Variants in MGAT4C observed in about 807,000 individuals in gnomAD.
MGAT4C encodes alpha-1,3-mannosyl-glycoprotein 4-beta-N-acetylglucosaminyltransferase C.
MGAT4C carries 19 observed loss-of-function variants against 40.1 expected under a neutral mutation model. The ratio of observed to expected loss-of-function variants is 0.47; its 90% confidence interval spans 0.33 to 0.70. The LOEUF is 0.70. MGAT4C is among the 30% of genes least tolerant of loss of function. The pLI is 0.02. For synonymous variants in MGAT4C, 181 were observed against 187.1 expected, an observed-to-expected ratio of 0.97 and a Z score of 0.27; for missense variants, 491 against 563.2, an observed-to-expected ratio of 0.87 and a Z score of 1.30.
intron 1 of MGAT4C, among the ~76,000 whole-genome samples, chr12:86,217,863 A>T (rs563947722): frequency 3.0e-4 from 46 of 152,316 alleles, no homozygotes; most frequent in African/African-American, 1.1e-3. Flanking sequence ...TACAGATAAA[A>T]TAATTGAAGT....
intron 4 of MGAT4C, among the ~76,000 whole-genome samples, chr12:86,289,862 A>ATCATAGTTAAC (rs1566262035): frequency 6.6e-6 from 1 of 152,140 alleles, no homozygotes; most frequent in Non-Finnish European, 1.5e-5. Context: ...TAACTCATAG[A>ATCATAGTTAAC]TCATAGTCTC....
chr12:86,017,127 AT>A (rs202210705), intron 2 of MGAT4C, among the ~76,000 whole-genome samples: 15 of 152,110 alleles, frequency 9.9e-5, no homozygotes, highest in Admixed American at 5.9e-4. Context: ...ATTTGAAAAC[AT>A]TTAAAAAAAA....
At chr12:86,533,164 A>G (rs1027876789) in intron 2 of MGAT4C, among the ~76,000 whole-genome samples, 31 of 152,194 alleles carry the variant, frequency 2.0e-4, no homozygotes, top group Non-Finnish European at 4.3e-4. Context: ...AACATTTTTT[A>G]TAGTAGAATA....
At chr12:86,327,986 A>C (rs1382519705) in intron 4 of MGAT4C, among the ~76,000 whole-genome samples, 2 of 152,074 alleles carry the variant, frequency 1.3e-5, no homozygotes, top group African/African-American at 4.8e-5. Flanking sequence ...ATTGTTCTAG[A>C]CCTCCAACCT....
chr12:86,480,333 A>C (rs180797373), intron 2 of MGAT4C, among the ~76,000 whole-genome samples: 1 of 151,844 alleles, frequency 6.6e-6, no homozygotes, highest in East Asian at 1.9e-4. Flanking sequence ...TTTGAGAAAC[A>C]CAGCCTGACA....
chr12:86,537,861 T>C (rs1454854339), intron 2 of MGAT4C, among the ~76,000 whole-genome samples: 1 of 151,986 alleles, frequency 6.6e-6, no homozygotes, highest in Non-Finnish European at 1.5e-5. Flanking sequence ...CCAAGGTGGG[T>C]GGATCACCTC....
At chr12:86,526,787 C>A (rs1958891319) in intron 2 of MGAT4C, among the ~76,000 whole-genome samples, 1 of 152,212 alleles carries the variant, frequency 6.6e-6, no homozygotes, top group Non-Finnish European at 1.5e-5. Context: ...CGTTTGGGTT[C>A]CATATCAGCT....
rs1322892069 is a variant in MGAT4C at position 85,979,937 on chromosome 12, G to C, written c.789C>G (p.Leu263=). 4 of 1,613,834 alleles carry C rather than the reference G, an allele frequency of 2.5e-6. No homozygotes were observed. The highest frequency in any genetic ancestry group is 2.2e-5 in the East Asian group (1 of 44,856). ...AACGTGGGAGATCATGAGAATGATA[G>C]AGTTTACCAATGTAGCCAAGCTTAG... is the stretch of plus-strand genomic sequence containing the variant. ...EFSKLGYIGK[L]YHSHDLPRLA... The change falls in exon 5 of 5, where the codon CTC becomes CTG. Residue 263 remains leucine, a synonymous_variant. Coordinates refer to ENST00000611864, the MANE Select transcript of MGAT4C (RefSeq NM_001351288.2).
intron 1 of MGAT4C, among the ~76,000 whole-genome samples, chr12:86,132,791 C>CAAAAAAAAAAAAAAAAAA (rs60321690): frequency 1.1e-5 from 1 of 93,730 alleles, no homozygotes; most frequent in Admixed American, 1.3e-4. Flanking sequence ...GACTCCGTCT[C>CAAAAAAAAAAAAAAAAAA]AAAAAAAAAA....
At chr12:86,275,008 C>T (rs749259656) in intron 4 of MGAT4C, among the ~76,000 whole-genome samples, 1 of 152,176 alleles carries the variant, frequency 6.6e-6, no homozygotes, top group Non-Finnish European at 1.5e-5. Context: ...TTAGCATTGC[C>T]ACTCGGGTTT....
intron 3 of MGAT4C, among the ~76,000 whole-genome samples, chr12:86,363,795 A>G (rs1955533202): frequency 6.6e-6 from 1 of 152,140 alleles, no homozygotes; most frequent in South Asian, 2.1e-4. Flanking sequence ...CAACATCAGT[A>G]GGAAAGAGGG....
chr12:86,183,722 A>G (rs370633271), intron 1 of MGAT4C, among the ~76,000 whole-genome samples: 5 of 152,180 alleles, frequency 3.3e-5, no homozygotes, highest in Admixed American at 3.3e-4. Context: ...CTTCTGACTT[A>G]CATACTGGCT....
intron 4 of MGAT4C, among the ~76,000 whole-genome samples, chr12:86,286,031 C>T (rs1056760498): frequency 6.6e-6 from 1 of 151,916 alleles, no homozygotes; most frequent in Admixed American, 6.6e-5. Context: ...TCTTTGCAAA[C>T]GTTTATTGTT....
chr12:86,616,056 A>G (rs1962436352), intron 2 of MGAT4C, among the ~76,000 whole-genome samples: 1 of 152,094 alleles, frequency 6.6e-6, no homozygotes, highest in South Asian at 2.1e-4. Context: ...CATAAACTTT[A>G]TTTGCTTCCA....
intron 2 of MGAT4C, among the ~76,000 whole-genome samples, chr12:86,607,504 AT>A (rs1448270418): frequency 6.6e-6 from 1 of 152,086 alleles, no homozygotes. Context: ...CAATAACAAA[AT>A]TTTTACTAAC....
At chr12:86,100,693 CTA>C (rs1223624467) in intron 1 of MGAT4C, among the ~76,000 whole-genome samples, 1 of 151,264 alleles carries the variant, frequency 6.6e-6, no homozygotes, top group Non-Finnish European at 1.5e-5. Flanking sequence ...TTTTATGTAA[CTA>C]TACTTATTTT....
intron 1 of MGAT4C, among the ~76,000 whole-genome samples, chr12:86,107,483 G>A (rs552905023): frequency 3.5e-4 from 53 of 152,194 alleles, no homozygotes; most frequent in African/African-American, 1.3e-3. Context: ...AAATATAACA[G>A]AATAAAATAT....
intron 1 of MGAT4C, among the ~76,000 whole-genome samples, chr12:86,181,617 CATCT>C (rs1432570656): frequency 6.6e-6 from 1 of 152,120 alleles, no homozygotes; most frequent in Non-Finnish European, 1.5e-5. Context: ...AGCAATTCTA[CATCT>C]ATCTATCATG....
chr12:86,477,764 G>A (rs1181566198), intron 2 of MGAT4C, among the ~76,000 whole-genome samples: 1 of 151,828 alleles, frequency 6.6e-6, no homozygotes, highest in Admixed American at 6.6e-5. Context: ...CCCCACAACA[G>A]GCCCCGGTGT....
Sources: gnomAD v4.1 joint callset for allele counts (sites outside exome capture counted in the v4.1 genomes callset) on GRCh38, gnomAD v4.1.1 for gene constraint, MANE v1.5 for transcripts, NCBI Gene and HGNC (gene_info 2026-07-23, HGNC 2026-07-21) for gene names.